Variants in DYM observed in about 807,000 individuals in gnomAD.
DYM encodes the protein dyggve-Melchior-Clausen syndrome protein.
Under a neutral mutation model 93.1 loss-of-function variants are expected in DYM, and 78 were observed. That is an observed-to-expected ratio of 0.84 (90% CI 0.70 to 1.01). DYM has a LOEUF of 1.01. DYM is among the 50% of genes least tolerant of loss of function. The probability of loss-of-function intolerance (pLI) is 0.00; values close to 1 mark genes in which losing one functional copy is unlikely to be tolerated. For missense variants in DYM, 789 were observed against 845.0 expected, an observed-to-expected ratio of 0.93 and a Z score of 0.82; for synonymous variants, 321 against 319.7, an observed-to-expected ratio of 1.00 and a Z score of -0.04.
intron 1 of DYM, among the ~76,000 whole-genome samples, chr18:49,441,903 A>G (rs752378698): frequency 6.6e-6 from 1 of 152,132 alleles, no homozygotes; most frequent in Non-Finnish European, 1.5e-5. Flanking sequence ...AGAGAGACCA[A>G]TGCCAAGGTT....
chr18:49,378,584 T>G lies in DYM; in HGVS notation c.404A>C (p.Lys135Thr), dbSNP rs777281787. Residue 135 changes from lysine to threonine, a missense_variant, in exon 5 of 18, where the codon AAA becomes ACA. Around this residue, in one of 3 missense-constraint regions of DYM, gnomAD observed 450 missense variants for 436.2 expected, o/e 1.03. Transcript: ENST00000675505. Reference sequence around the variant, plus strand: ...ATACTTACTGTAATTGCCAGGAGATTTTTCTTCATAAGTAAAATGAAGTTG... The same window carrying G: ...ATACTTACTGTAATTGCCAGGAGATGTTTCTTCATAAGTAAAATGAAGTTG... ...ELQLHFTYEE[K>T]SPGNYSSDSE... 6.2e-7 allele frequency: 1 copy of G among 1,611,632 alleles called. No individual in the cohort carries two copies.
intron 5 of DYM, among the ~76,000 whole-genome samples, chr18:49,364,051 G>T (rs911045925): frequency 6.6e-6 from 1 of 152,024 alleles, no homozygotes; most frequent in Non-Finnish European, 1.5e-5. Flanking sequence ...CTCAAAATAC[G>T]TTTCAACTAT....
At chr18:49,272,366 T>A (rs898883022) in intron 10 of DYM, 63 bp from the exon 11 acceptor site, 88 of 1,118,262 alleles carry the variant, frequency 7.9e-5, no homozygotes, top group Non-Finnish European at 1.1e-4. Flanking sequence ...ATGTTTTAAA[T>A]CTTTACACTT....
At chr18:49,289,725 G>GTGTA (rs1446682390) in intron 8 of DYM, among the ~76,000 whole-genome samples, 2 of 13,740 alleles carry the variant, frequency 1.5e-4, no homozygotes, top group African/African-American at 3.2e-4. Flanking sequence ...ATATATATAT[G>GTGTA]TGTATATATA....
intron 8 of DYM, among the ~76,000 whole-genome samples, chr18:49,290,367 TA>T (rs138235879): frequency 1.1e-4 from 17 of 148,564 alleles, no homozygotes; most frequent in African/African-American, 2.5e-4. Flanking sequence ...TGTACATATT[TA>T]AAAAAAAAAC....
At chr18:49,304,017 T>C (rs2061122268) in intron 8 of DYM, among the ~76,000 whole-genome samples, 3 of 152,232 alleles carry the variant, frequency 2.0e-5, no homozygotes, top group Non-Finnish European at 4.4e-5. Context: ...TCCTGCAGTT[T>C]GGAAGAAAGA....
intron 13 of DYM, among the ~76,000 whole-genome samples, chr18:49,226,900 T>A (rs189317253): frequency 1.3e-5 from 2 of 152,068 alleles, no homozygotes; most frequent in African/African-American, 4.8e-5. Flanking sequence ...AGACATATAA[T>A]TCAGCCTGAA....
intron 2 of DYM, among the ~76,000 whole-genome samples, chr18:49,420,880 G>A (rs112126679): frequency 0.091 from 13,890 of 151,952 alleles, 855 homozygotes; most frequent in East Asian, 0.31. Context: ...CGCCTGGCTC[G>A]GAGGGTCCCA....
intron 9 of DYM, 43 bp downstream of exon 9, chr18:49,286,391 C>A (rs764900034): frequency 1.2e-5 from 19 of 1,590,806 alleles, no homozygotes; most frequent in Non-Finnish European, 1.6e-5. Flanking sequence ...ACAAGCAATA[C>A]TCTCCCCATT....
chr18:49,328,488 G>A (rs977809955), intron 8 of DYM, among the ~76,000 whole-genome samples: 1 of 152,142 alleles, frequency 6.6e-6, no homozygotes, highest in African/African-American at 2.4e-5. Flanking sequence ...CCATCAAAGT[G>A]AACAGACAAC....
At chr18:49,230,763 C>T (rs561490710) in intron 13 of DYM, among the ~76,000 whole-genome samples, 5 of 152,270 alleles carry the variant, frequency 3.3e-5, no homozygotes, top group Non-Finnish European at 2.9e-5. Context: ...CTGAGACATA[C>T]GCCTTATAAT....
At chr18:49,219,953 G>T (rs1207820869) in intron 13 of DYM, among the ~76,000 whole-genome samples, 1 of 148,618 alleles carries the variant, frequency 6.7e-6, no homozygotes, top group Non-Finnish European at 1.5e-5. Flanking sequence ...AGAAAAAGAG[G>T]AAGTCAAATT....
At chr18:49,272,713 T>G (rs576019892) in intron 10 of DYM, among the ~76,000 whole-genome samples, 52 of 152,220 alleles carry the variant, frequency 3.4e-4, no homozygotes, top group Admixed American at 2.9e-3. Context: ...AGCTAGTAAG[T>G]AAAAAATATA....
chr18:49,233,099 C>T (rs1016804440), intron 13 of DYM, among the ~76,000 whole-genome samples: 4 of 152,072 alleles, frequency 2.6e-5, no homozygotes, highest in Non-Finnish European at 5.9e-5. Flanking sequence ...CAGTGGCTCA[C>T]GCCTGTAATC....
At chr18:49,318,797 CTT>C (rs932617888) in intron 8 of DYM, among the ~76,000 whole-genome samples, 5,789 of 113,670 alleles carry the variant, frequency 0.051, 69 homozygotes, top group East Asian at 0.23. Flanking sequence ...ATTTCTTTTT[CTT>C]TTTTTTTTTT....
At chr18:49,289,002 G>A (rs896628049) in intron 8 of DYM, among the ~76,000 whole-genome samples, 2 of 152,074 alleles carry the variant, frequency 1.3e-5, no homozygotes, top group African/African-American at 4.8e-5. Flanking sequence ...TTTGTATAAA[G>A]CTATAGTCAT....
At chr18:49,392,867 C>T (rs539864088) in intron 2 of DYM, among the ~76,000 whole-genome samples, 4 of 150,568 alleles carry the variant, frequency 2.7e-5, no homozygotes, top group Non-Finnish European at 4.4e-5. Flanking sequence ...TGGTGGTACA[C>T]GCCTGTGATC....
At chr18:49,143,714 G>A (rs2084782593) in intron 15 of DYM, among the ~76,000 whole-genome samples, 2 of 152,008 alleles carry the variant, frequency 1.3e-5, no homozygotes, top group Non-Finnish European at 2.9e-5. Context: ...GTTCAGTGAC[G>A]CCAAGCATAT....
chr18:49,271,058 C>T (rs2094685327), intron 11 of DYM, among the ~76,000 whole-genome samples: 1 of 152,114 alleles, frequency 6.6e-6, no homozygotes, highest in Admixed American at 6.6e-5. Flanking sequence ...GACTTCCAAT[C>T]GACTTCTTAG....
Sources: allele counts gnomAD v4.1 joint callset (sites outside exome capture counted in the v4.1 genomes callset), GRCh38; gene constraint gnomAD v4.1.1; regional missense constraint gnomAD v4.1.1; transcripts MANE v1.5; gene names NCBI Gene and HGNC (gene_info 2026-07-23, HGNC 2026-07-21).